Variants in SMARCAD1 observed in about 807,000 individuals in gnomAD.
SMARCAD1 encodes SWI/SNF-related matrix-associated actin-dependent regulator of chromatin subfamily A containing DEAD/H box 1.
SMARCAD1 carries 25 observed loss-of-function variants against 127.1 expected under a neutral mutation model. The observed-to-expected ratio is 0.20, with a 90% CI of 0.14 to 0.27. The LOEUF (loss-of-function observed/expected upper bound fraction) is 0.27, where lower values mean the gene tolerates loss of function less well. Ranked by LOEUF, SMARCAD1 falls within the 10% of genes least tolerant of loss-of-function variation. The probability of loss-of-function intolerance (pLI) is 1.00; values close to 1 mark genes in which losing one functional copy is unlikely to be tolerated. For synonymous variants in SMARCAD1, 400 were observed against 396.9 expected (o/e 1.01, Z -0.09); for missense variants, 807 against 1,206.0 (o/e 0.67, Z 4.90).
chr4:94,207,936 C>T lies in SMARCAD1; in HGVS notation c.-184C>T. 1 of 354,662 alleles carries T rather than the reference C, an allele frequency of 2.8e-6. No individual in the cohort carries two copies. Among genetic ancestry groups the T allele is most frequent in the Non-Finnish European group, 5.6e-6 (1 of 180,048 alleles). 22.0% of individuals were successfully genotyped at this position (354,662 alleles called of 1,614,324 possible). A position where few individuals can be genotyped will look rare whatever the true frequency, so the allele number is the denominator to read the frequency against. On this transcript the variant is annotated 5_prime_UTR_variant, in exon 1 of 24. Coordinates refer to ENST00000354268, the MANE Select transcript of SMARCAD1 (RefSeq NM_020159.5). ...CCCTTCTTTGGCCCCTTTGTGTCCC[C>T]GCAGTGTCGAGGCGCGGGCCCTGGC...
chr4:94,218,976 T>A (rs755338206), intron 2 of SMARCAD1, among the ~76,000 whole-genome samples: 1 of 151,900 alleles, frequency 6.6e-6, no homozygotes, highest in African/African-American at 2.4e-5. Flanking sequence ...CACGCCTGGC[T>A]AATTTTTGTG....
chr4:94,252,900 T>C lies in SMARCAD1; in HGVS notation c.1174T>C (p.Phe392Leu). The C allele has an allele frequency of 3.7e-6, 6 of 1,614,128 alleles. No homozygotes were observed. The highest frequency in any genetic ancestry group is 5.1e-6 in the Non-Finnish European group (6 of 1,180,008). Residue 392 changes from phenylalanine (F) to leucine (L), a missense_variant, in exon 9 of 24, where the codon TTC becomes CTC. Physicochemically the swap from Phe to Leu is conservative, Grantham distance 22. Around this residue, in one of 8 missense-constraint regions of SMARCAD1, gnomAD observed 257 missense variants for 303.4 expected, o/e 0.85. Coordinates refer to ENST00000354268, the MANE Select transcript of SMARCAD1 (RefSeq NM_020159.5). Reference protein sequence around the residue: ...EDGYKGKILHFLQDASIGELT... With the variant: ...EDGYKGKILHLLQDASIGELT... ...TGGCTATAAAGGTAAAATTCTTCACTTCCTTCAAGATGCTTCAATTGGTGA... is the reference window on the plus strand; with the variant it reads ...TGGCTATAAAGGTAAAATTCTTCACCTCCTTCAAGATGCTTCAATTGGTGA...
chr4:94,253,144 A>G, intron 9 of SMARCAD1, 137 bp downstream of exon 9: 1 of 1,535,106 alleles, frequency 6.5e-7, no homozygotes, highest in Non-Finnish European at 8.9e-7. Flanking sequence ...CATTACTTTC[A>G]TTGTAAGCCA....
chr4:94,289,697 C>G lies in SMARCAD1; in HGVS notation c.*163C>G, dbSNP rs1395842449. 1.4e-6 allele frequency: 1 copy of G among 731,894 alleles called. No homozygotes were observed. The highest frequency in any genetic ancestry group is 2.0e-5 in the Admixed American group (1 of 51,090). The allele number at this position is 731,894 out of a possible 1,614,324, so 45.3% of individuals were successfully genotyped here. A position where few individuals can be genotyped will look rare whatever the true frequency, so the allele number is the denominator to read the frequency against. ...ACAACTTTTTGCCACTAACTGAATT[C>G]TCCAAATACTCACACGTGAAATTTC... On this transcript the variant is annotated 3_prime_UTR_variant, in exon 24 of 24. Transcript: ENST00000354268.
At chr4:94,208,983 G>T (rs949263403) in intron 2 of SMARCAD1, among the ~76,000 whole-genome samples, 2 of 152,282 alleles carry the variant, frequency 1.3e-5, no homozygotes, top group Admixed American at 1.3e-4. Flanking sequence ...GCTAGACATT[G>T]AGCAAGGTGC....
At chr4:94,219,532 T>G (rs1743754791) in intron 2 of SMARCAD1, among the ~76,000 whole-genome samples, 1 of 152,120 alleles carries the variant, frequency 6.6e-6, no homozygotes. Flanking sequence ...TAAAGGGTAC[T>G]GGATAAACTT....
At chr4:94,278,335 G>C in intron 16 of SMARCAD1, 87 bp from the exon 17 acceptor site, 1 of 1,160,246 alleles carries the variant, frequency 8.6e-7, no homozygotes, top group Non-Finnish European at 1.3e-6. Flanking sequence ...ACTCTAATGA[G>C]GGAGATTTTT....
chr4:94,265,722 A>T (rs1290002409), intron 10 of SMARCAD1, among the ~76,000 whole-genome samples: 3 of 151,906 alleles, frequency 2.0e-5, no homozygotes, highest in Non-Finnish European at 4.4e-5. Flanking sequence ...TAATAGTATG[A>T]TATTTATAGT....
intron 6 of SMARCAD1, among the ~76,000 whole-genome samples, chr4:94,246,150 C>T (rs931597203): frequency 2.0e-5 from 3 of 149,634 alleles, no homozygotes; most frequent in Non-Finnish European, 3.0e-5. Context: ...GATGGAGTCT[C>T]GCACTGTTGT....
chr4:94,240,758 T>C (rs1047207374), intron 5 of SMARCAD1, 148 bp from the exon 6 acceptor site: 5 of 641,028 alleles, frequency 7.8e-6, no homozygotes, highest in African/African-American at 5.5e-5. Context: ...TTTTTTCAAT[T>C]CAGTCATATG....
chr4:94,284,353 A>AG lies in SMARCAD1; in HGVS notation c.2910-606dup, dbSNP rs1754592133. Among the ~76,000 whole-genome samples, 2 of 88,218 alleles carry AG rather than the reference A, an allele frequency of 2.3e-5. 1 individual carries two copies. The highest frequency in any genetic ancestry group is 5.2e-5 in the Non-Finnish European group (2 of 38,298). The allele number at this position is 88,218 out of a possible 152,430, so 57.9% of individuals were successfully genotyped here. A position where few individuals can be genotyped will look rare whatever the true frequency, so the allele number is the denominator to read the frequency against. Reference sequence around the variant, plus strand: ...AAAAAAAAAAAAAAAAAAAAAAAAAAGAAAAAAGTAATTTCCATCTGAACA... The same window carrying AG: ...AAAAAAAAAAAAAAAAAAAAAAAAAAGGAAAAAAGTAATTTCCATCTGAACA... On this transcript the variant is annotated intron_variant, in intron 22 of 23. Transcript: ENST00000354268.
chr4:94,218,247 A>C (rs1183489928), intron 2 of SMARCAD1, among the ~76,000 whole-genome samples: 1 of 151,422 alleles, frequency 6.6e-6, no homozygotes, highest in East Asian at 1.9e-4. Flanking sequence ...TAATTGCATG[A>C]CTTTCTTTTC....
intron 4 of SMARCAD1, 124 bp downstream of exon 4, chr4:94,234,246 A>G: frequency 1.1e-6 from 1 of 877,172 alleles, no homozygotes; most frequent in Non-Finnish European, 1.7e-6. Flanking sequence ...TAACTATTAA[A>G]TCTAAAGGAA....
chr4:94,274,250 A>G (rs940356598), intron 12 of SMARCAD1, among the ~76,000 whole-genome samples: 7 of 152,164 alleles, frequency 4.6e-5, no homozygotes, highest in Non-Finnish European at 7.4e-5. Flanking sequence ...ATCATTTTAC[A>G]TAGGTTTCAT....
chr4:94,245,227 G>A (rs1029931496), intron 6 of SMARCAD1, among the ~76,000 whole-genome samples: 21 of 152,212 alleles, frequency 1.4e-4, no homozygotes. Flanking sequence ...CTGTCCTGAT[G>A]ATCTAACCAC....
chr4:94,266,514 T>G (rs1751754233), intron 10 of SMARCAD1, among the ~76,000 whole-genome samples: 1 of 152,068 alleles, frequency 6.6e-6, no homozygotes, highest in Admixed American at 6.6e-5. Context: ...TCTTTAAAGT[T>G]TATTTAAGTG....
intron 3 of SMARCAD1, among the ~76,000 whole-genome samples, chr4:94,227,096 A>G (rs1395634966): frequency 6.6e-6 from 1 of 152,184 alleles, no homozygotes; most frequent in Non-Finnish European, 1.5e-5. Flanking sequence ...TGGAGCAAAG[A>G]CATAAAGGGG....
intron 9 of SMARCAD1, among the ~76,000 whole-genome samples, chr4:94,256,182 T>C (rs1750046800): frequency 6.6e-6 from 1 of 152,192 alleles, no homozygotes. Flanking sequence ...CAATGCGACA[T>C]GCATCAGTAA....
chr4:94,222,833 A>T (rs374576192), intron 2 of SMARCAD1, among the ~76,000 whole-genome samples: 33 of 152,106 alleles, frequency 2.2e-4, no homozygotes, highest in African/African-American at 7.9e-4. Context: ...GTGTCGGGGC[A>T]GGCACCTGTA....
Sources: allele counts gnomAD v4.1 joint callset (sites outside exome capture counted in the v4.1 genomes callset), GRCh38; gene constraint gnomAD v4.1.1; regional missense constraint gnomAD v4.1.1; transcripts MANE v1.5; gene names NCBI Gene and HGNC (gene_info 2026-07-23, HGNC 2026-07-21).